The following RNF6 variants were observed in gnomAD, a reference collection of about 807,000 sequenced individuals.
The protein encoded by RNF6 is ring finger protein 6.
A neutral mutation model predicts 50.1 loss-of-function variants in RNF6; 21 were observed. The observed-to-expected ratio is 0.42, with a 90% CI of 0.30 to 0.60. The LOEUF is 0.60. Ranked by LOEUF, RNF6 falls within the 20% of genes least tolerant of loss-of-function variation. The pLI, the probability that RNF6 is intolerant of heterozygous loss-of-function variation, is 0.20. For synonymous variants in RNF6, 255 were observed against 291.8 expected, an observed-to-expected ratio of 0.87 and a Z score of 1.29; for missense variants, 698 against 838.2, an observed-to-expected ratio of 0.83 and a Z score of 2.07.
chr13:26,142,260 A>G (rs1275424727), intron 5 of RNF6: 1 of 152,194 alleles, frequency 6.6e-6, no homozygotes, highest in African/African-American at 2.4e-5. Context: ...AGAAAAGGGA[A>G]CACACTTATA....
intron 5 of RNF6, among the ~76,000 whole-genome samples, chr13:26,181,092 T>G (rs56107121): frequency 2.6e-5 from 4 of 151,868 alleles, no homozygotes; most frequent in Non-Finnish European, 5.9e-5. Context: ...AGCCTTCCAG[T>G]CTAGGAAGGG....
At chr13:26,222,541 A>G (rs934081258), upstream of RNF6, 3 of 152,284 alleles carry the variant, frequency 2.0e-5, no homozygotes, top group Non-Finnish European at 4.4e-5. Context: ...AGTGCACCCA[A>G]CGGTGTATGC....
intron 5 of RNF6, among the ~76,000 whole-genome samples, chr13:26,172,389 C>A (rs1250389714): frequency 6.6e-6 from 1 of 152,100 alleles, no homozygotes; most frequent in Non-Finnish European, 1.5e-5. Context: ...ACATTGGTGA[C>A]ATCTTAACAT....
intron 5 of RNF6, among the ~76,000 whole-genome samples, chr13:26,196,783 G>A (rs1275061293): frequency 6.6e-6 from 1 of 151,824 alleles, no homozygotes; most frequent in Non-Finnish European, 1.5e-5. Flanking sequence ...AAGAAAGCAA[G>A]CCACCAGAAA....
chr13:26,175,791 T>C (rs1222564689), intron 5 of RNF6, among the ~76,000 whole-genome samples: 2 of 152,164 alleles, frequency 1.3e-5, no homozygotes, highest in African/African-American at 2.4e-5. Flanking sequence ...CATAGCAAGA[T>C]GCAAGACAAT....
intron 5 of RNF6, among the ~76,000 whole-genome samples, chr13:26,146,840 G>T (rs1871273970): frequency 1.3e-5 from 2 of 152,178 alleles, no homozygotes; most frequent in East Asian, 3.8e-4. Context: ...AATTCCCAGT[G>T]TTGGAGGAGA....
chr13:26,146,175 G>A (rs1246027449), intron 5 of RNF6, among the ~76,000 whole-genome samples: 1 of 152,210 alleles, frequency 6.6e-6, no homozygotes, highest in Non-Finnish European at 1.5e-5. Flanking sequence ...CTTTGGGGAA[G>A]GCTGGGAGAA....
intron 5 of RNF6, among the ~76,000 whole-genome samples, chr13:26,197,331 C>G (rs1009776497): frequency 6.6e-6 from 1 of 151,904 alleles, no homozygotes; most frequent in East Asian, 1.9e-4. Flanking sequence ...TTTTCTCTGC[C>G]CATTTGGGAT....
At chr13:26,145,452 G>C (rs542543337) in intron 5 of RNF6, among the ~76,000 whole-genome samples, 8 of 150,152 alleles carry the variant, frequency 5.3e-5, no homozygotes, top group South Asian at 2.1e-4. Context: ...TCATGGGGAG[G>C]GGGGGGGACT....
chr13:26,146,692 A>G, intron 5 of RNF6, among the ~76,000 whole-genome samples: 1 of 152,136 alleles, frequency 6.6e-6, no homozygotes, highest in South Asian at 2.1e-4. Context: ...CTTTTCATCT[A>G]TGTTTCAGCC....
rs761269053 is a variant in RNF6 at position 26,214,339 on chromosome 13, C to T, written c.1543G>A (p.Asp515Asn). 1.4e-5 allele frequency: 23 copies of T among 1,614,016 alleles called. No individual in the cohort carries two copies. The highest frequency in any genetic ancestry group is 1.8e-5 in the Non-Finnish European group (21 of 1,180,026). The change falls in exon 5 of 5, where the codon GAC (aspartate) becomes AAC (asparagine). Residue 515 changes from aspartate to asparagine, a missense_variant. By Grantham distance (23) the Asp-to-Asn change is conservative. Transcript: ENST00000381588. ...AAGTTACTCAGTTCTGAGTGCATGT[C>T]TGGTAAATGCTGGCCATTTCTTTGA... ...ELQRNGQHLP[D>N]MHSELSNLGT... is the part of the protein sequence containing the mutation.
chr13:26,150,745 A>G (rs1044477249), intron 5 of RNF6: 2 of 152,244 alleles, frequency 1.3e-5, no homozygotes, highest in Non-Finnish European at 2.9e-5. Flanking sequence ...AAAATCAACA[A>G]TAATACTTTT....
In RNF6 at chr13:26,215,216, T is replaced by C. The variant is rs757591231; in HGVS notation, c.666A>G (p.Gln222=). ...TTGAGAAAGATCCTTCAGCTGGATT[T>C]TGCCCCCTTGAAGCAAGCCTAGTCC... ...IPRTRLASRG[Q]NPAEGSFSTL... is the part of the protein sequence containing the mutation. Residue 222 remains glutamine (Q), a synonymous_variant, in exon 5 of 5, where the codon CAA becomes CAG. Coordinates refer to ENST00000381588, the MANE Select transcript of RNF6 (RefSeq NM_005977.4). The C allele has an allele frequency of 2.5e-6, 4 of 1,614,116 alleles. No homozygotes were observed.
intron 5 of RNF6, among the ~76,000 whole-genome samples, chr13:26,193,184 A>G (rs1868527431): frequency 6.6e-6 from 1 of 152,184 alleles, no homozygotes. Context: ...GGAGATGTCT[A>G]TGGATATAAC....
chr13:26,213,732 C>T lies in RNF6; in HGVS notation c.*92G>A. On this transcript the variant is annotated 3_prime_UTR_variant, in exon 5 of 5. Transcript: ENST00000381588. Reference sequence around the variant, plus strand: ...AAACTATATATAATCTGTTATTTTTCATCCTGGTTAGCTAATCACAAATAA... The same window carrying T: ...AAACTATATATAATCTGTTATTTTTTATCCTGGTTAGCTAATCACAAATAA... The T allele has an allele frequency of 9.6e-7, 1 of 1,037,658 alleles. No homozygotes were observed. Among genetic ancestry groups the T allele is most frequent in the African/African-American group, 1.6e-5 (1 of 61,992 alleles). The allele number at this position is 1,037,658 out of a possible 1,614,324, so 64.3% of individuals were successfully genotyped here.
At chr13:26,189,829 C>A (rs1566427610) in intron 5 of RNF6, among the ~76,000 whole-genome samples, 1 of 152,166 alleles carries the variant, frequency 6.6e-6, no homozygotes, top group Non-Finnish European at 1.5e-5. Context: ...GTTTAATAAC[C>A]CTTACTGTTG....
At chr13:26,182,907 G>T (rs1215026366) in intron 5 of RNF6, among the ~76,000 whole-genome samples, 4 of 152,148 alleles carry the variant, frequency 2.6e-5, no homozygotes, top group Non-Finnish European at 5.9e-5. Flanking sequence ...AATTTCTTTG[G>T]TGACCTTGAG....
intron 5 of RNF6, among the ~76,000 whole-genome samples, chr13:26,185,298 G>A (rs1205015937): frequency 1.3e-5 from 2 of 152,154 alleles, no homozygotes; most frequent in African/African-American, 2.4e-5. Context: ...CATCATCCCC[G>A]ACCAAGGTAT....
intron 5 of RNF6, among the ~76,000 whole-genome samples, chr13:26,148,955 G>A (rs1440991096): frequency 6.6e-6 from 1 of 151,704 alleles, no homozygotes; most frequent in Non-Finnish European, 1.5e-5. Context: ...CTCAGGGAAT[G>A]GCCAGCTTTT....
Sources: gnomAD v4.1 joint callset for allele counts (sites outside exome capture counted in the v4.1 genomes callset) on GRCh38, gnomAD v4.1.1 for gene constraint, MANE v1.5 for transcripts, NCBI Gene and HGNC (gene_info 2026-07-23, HGNC 2026-07-21) for gene names.